Variants in AOX1 observed in about 807,000 individuals in gnomAD.
The protein encoded by AOX1 is aldehyde oxidase.
In AOX1, 153 loss-of-function variants were observed where a neutral mutation model predicts 169.5. The observed-to-expected ratio is 0.90, with a 90% CI of 0.79 to 1.03. The LOEUF (loss-of-function observed/expected upper bound fraction) is 1.03, where lower values mean the gene tolerates loss of function less well. Among genes scored for constraint, AOX1 ranks in the 50% least tolerant of loss-of-function variants. AOX1 has a pLI of 0.00. For missense variants in AOX1, 1,656 were observed against 1,663.9 expected (o/e 1.00, Z 0.08); for synonymous variants, 562 against 581.9 (o/e 0.97, Z 0.49).
intron 26 of AOX1, among the ~76,000 whole-genome samples, chr2:200,654,372 A>C (rs899445674): frequency 2.6e-5 from 4 of 152,140 alleles, no homozygotes; most frequent in Admixed American, 2.0e-4. Flanking sequence ...GGTTGTTAGC[A>C]TTTTTTAACA....
In AOX1 at chr2:200,612,722, A is replaced by G. The variant is rs745961007; in HGVS notation, c.1377A>G (p.Leu459=). The G allele has an allele frequency of 3.9e-5, 63 of 1,613,968 alleles. No homozygotes were observed. The highest frequency in any genetic ancestry group is 5.3e-5 in the Non-Finnish European group (62 of 1,179,992). ...FGEGDGIIRE[L]CISYGGVGPA... ...AAGGGGATGGCATTATTAGAGAGTT[A>G]TGCATCTCATATGGAGGCGTTGGTC... The change falls in exon 14 of 35, where the codon TTA becomes TTG. Residue 459 remains leucine, a synonymous_variant. Coordinates refer to ENST00000374700, the MANE Select transcript of AOX1 (RefSeq NM_001159.4).
intron 5 of AOX1, among the ~76,000 whole-genome samples, chr2:200,601,512 A>G (rs533939505): frequency 6.6e-6 from 1 of 152,190 alleles, no homozygotes; most frequent in African/African-American, 2.4e-5. Context: ...GAGGTAATAG[A>G]TATGTTTATA....
downstream of AOX1, among the ~76,000 whole-genome samples, chr2:200,672,448 G>A (rs144464077): frequency 1.8e-4 from 28 of 152,282 alleles, no homozygotes; most frequent in East Asian, 5.0e-3. Context: ...AAGGAAAAAC[G>A]CCATTTCCGT....
intron 4 of AOX1, among the ~76,000 whole-genome samples, chr2:200,598,009 G>A (rs745430687): frequency 6.6e-6 from 1 of 152,010 alleles, no homozygotes; most frequent in African/African-American, 2.4e-5. Flanking sequence ...CGGGGGTGCT[G>A]AGGTGAGAGA....
chr2:200,620,862 T>A lies in AOX1; in HGVS notation c.1874+43T>A, dbSNP rs373422607. On this transcript the variant is annotated intron_variant, in intron 17 of 34. Transcript: ENST00000374700. ...TACTCAATGGGCATAAATGATTGTC[T>A]TTTCATCTAAGTCACACTAGTGAAA... 1.1e-4 allele frequency: 179 copies of A among 1,561,574 alleles called. 1 individual carries two copies. The African/African-American group carries it at 2.3e-3, about 20-fold the overall frequency.
intron 25 of AOX1, among the ~76,000 whole-genome samples, chr2:200,647,518 A>G (rs2035480803): frequency 6.6e-6 from 1 of 152,120 alleles, no homozygotes; most frequent in Non-Finnish European, 1.5e-5. Context: ...AGCTCTTAAG[A>G]TTCTTTCCTT....
intron 4 of AOX1, 26 bp downstream of exon 4, chr2:200,597,531 G>A (rs753511541): frequency 1.3e-6 from 2 of 1,528,736 alleles, no homozygotes. Flanking sequence ...TTCCTTATAG[G>A]CTTTCTGTGC....
chr2:200,607,444 G>A (rs1298478011), intron 10 of AOX1, among the ~76,000 whole-genome samples: 1 of 152,120 alleles, frequency 6.6e-6, no homozygotes, highest in African/African-American at 2.4e-5. Context: ...TCAGAATGGT[G>A]ATTATTAAAA....
chr2:200,634,497 G>A lies in AOX1; in HGVS notation c.2222-294G>A, dbSNP rs114364998. ...ACATTCCTACGCCTCTGCTAACAGCGCTGGCTCCTTATGACCTACTGAATC... is the reference window on the plus strand; with the variant it reads ...ACATTCCTACGCCTCTGCTAACAGCACTGGCTCCTTATGACCTACTGAATC... On this transcript the variant is annotated intron_variant, in intron 20 of 34. Transcript: ENST00000374700. Among the ~76,000 whole-genome samples the A allele has an allele frequency of 2.5e-3, 379 of 152,252 alleles. 5 individuals are homozygous for A. Among genetic ancestry groups the A allele is most frequent in the African/African-American group, 8.7e-3 (362 of 41,564 alleles).
Position 200,671,252 on chromosome 2 carries a change from A to G in AOX1, c.*573A>G, listed in dbSNP as rs1302933288. 4 of 143,436 alleles carry G rather than the reference A, an allele frequency of 2.8e-5. No individual in the cohort carries two copies. The highest frequency in any genetic ancestry group is 5.0e-5 in the African/African-American group (2 of 40,016). The allele number at this position is 143,436 out of a possible 1,614,324, so 8.9% of individuals were successfully genotyped here. A position where few individuals can be genotyped will look rare whatever the true frequency, so the allele number is the denominator to read the frequency against. The stretch of plus-strand genomic sequence containing the variant: ...GAAATTGAAAGGAAACCCACAGAAT[A>G]GGATAAAATATTTGTAAATCATATA... On this transcript the variant is annotated 3_prime_UTR_variant, in exon 35 of 35. Coordinates refer to ENST00000374700, the MANE Select transcript of AOX1 (RefSeq NM_001159.4).
chr2:200,614,793 C>T (rs1439001863), intron 15 of AOX1, among the ~76,000 whole-genome samples: 3 of 152,020 alleles, frequency 2.0e-5, no homozygotes, highest in Non-Finnish European at 4.4e-5. Flanking sequence ...TAGGTGGGAG[C>T]AACTAGGAAC....
chr2:200,630,042 A>G (rs1412882182), intron 20 of AOX1, among the ~76,000 whole-genome samples: 3 of 151,970 alleles, frequency 2.0e-5, no homozygotes, highest in Admixed American at 6.6e-5. Flanking sequence ...GGAGTTTGAC[A>G]CCAACCTGGT....
intron 25 of AOX1, among the ~76,000 whole-genome samples, chr2:200,645,762 G>C (rs1333239923): frequency 6.6e-6 from 1 of 152,058 alleles, no homozygotes; most frequent in Non-Finnish European, 1.5e-5. Flanking sequence ...TTATTGGTCT[G>C]TTAAGGGTAT....
intron 20 of AOX1, among the ~76,000 whole-genome samples, chr2:200,631,994 T>C (rs1036620406): frequency 2.0e-5 from 3 of 152,156 alleles, no homozygotes; most frequent in African/African-American, 4.8e-5. Context: ...AGATTTTCGA[T>C]AAGATAGGAA....
downstream of AOX1, among the ~76,000 whole-genome samples, chr2:200,674,670 G>A (rs7602947): frequency 0.36 from 55,336 of 152,068 alleles, 10,495 homozygotes; most frequent in East Asian, 0.54. Context: ...GGCCTTGCAC[G>A]GGCCCGACAG....
intron 3 of AOX1, among the ~76,000 whole-genome samples, chr2:200,596,144 C>T (rs959481971): frequency 2.6e-5 from 4 of 152,224 alleles, no homozygotes; most frequent in African/African-American, 9.6e-5. Flanking sequence ...ACAGATCGCA[C>T]TTGAAGGCTA....
chr2:200,603,324 A>G lies in AOX1; in HGVS notation c.556A>G (p.Asn186Asp). 1 of 1,614,024 alleles carries G rather than the reference A, an allele frequency of 6.2e-7. No homozygotes were observed. The highest frequency in any genetic ancestry group is 1.1e-5 in the South Asian group (1 of 91,076). The change falls in exon 7 of 35, where the codon AAT becomes GAT. Residue 186 changes from asparagine (N) to aspartate (D), a missense_variant. Coordinates refer to ENST00000374700, the MANE Select transcript of AOX1 (RefSeq NM_001159.4). ...NGVCCLDQGI[N>D]GLPEFEEGSK... is the part of the protein sequence containing the mutation. ...GGTTTGCTGTTTGGATCAAGGAATC[A>G]ATGGATTGCCAGAATTTGAGGAAGG... is the stretch of plus-strand genomic sequence containing the variant.
intron 27 of AOX1, among the ~76,000 whole-genome samples, chr2:200,657,190 A>ATTTTTTTTTT (rs5837752): frequency 2.4e-4 from 15 of 62,874 alleles, no homozygotes; most frequent in African/African-American, 8.7e-4. Flanking sequence ...ATATATATAT[A>ATTTTTTTTTT]TTTTTTTTTT....
chr2:200,602,328 T>C lies in AOX1; in HGVS notation c.481T>C (p.Cys161Arg), dbSNP rs374859799. ...TGGATACAGGCCCATAATTGATGCA[T>C]GCAAGACTTTCTGTAAAGTAAGTGG... ...CTGYRPIIDA[C>R]KTFCKTSGCC... The change falls in exon 6 of 35, where the codon TGC becomes CGC. Residue 161 changes from cysteine (C) to arginine (R), a missense_variant. By Grantham distance (180) the Cys-to-Arg change is radical. Transcript: ENST00000374700. The C allele has an allele frequency of 4.3e-6, 7 of 1,613,774 alleles. No homozygotes were observed. The highest frequency in any genetic ancestry group is 1.6e-4 in the Middle Eastern group (1 of 6,082).
Sources: gnomAD v4.1 joint callset for allele counts (sites outside exome capture counted in the v4.1 genomes callset) on GRCh38, gnomAD v4.1.1 for gene constraint, MANE v1.5 for transcripts, NCBI Gene and HGNC (gene_info 2026-07-23, HGNC 2026-07-21) for gene names.